The following DSCAM variants were observed in gnomAD, a reference collection of about 807,000 sequenced individuals.
DSCAM encodes cell adhesion molecule DSCAM.
A neutral mutation model predicts 217.7 loss-of-function variants in DSCAM; 47 were observed. That is an observed-to-expected ratio of 0.22 (90% confidence interval 0.17 to 0.28). DSCAM has a LOEUF of 0.28. DSCAM is among the 10% of genes least tolerant of loss of function. The pLI is 1.00. For synonymous variants in DSCAM, 1,056 were observed against 1,015.3 expected (o/e 1.04, Z -0.76); for missense variants, 2,080 against 2,618.3 (o/e 0.79, Z 4.49).
chr21:40,498,159 A>G (rs2076134268), intron 3 of DSCAM, among the ~76,000 whole-genome samples: 1 of 152,210 alleles, frequency 6.6e-6, no homozygotes, highest in Admixed American at 6.5e-5. Context: ...TGTTTGGCAC[A>G]GTGCCTCCTT....
At chr21:40,628,215 C>G (rs1318747566) in intron 3 of DSCAM, among the ~76,000 whole-genome samples, 1 of 152,178 alleles carries the variant, frequency 6.6e-6, no homozygotes, top group African/African-American at 2.4e-5. Flanking sequence ...AGCAGAGTAG[C>G]ATTATTAGAG....
intron 18 of DSCAM, among the ~76,000 whole-genome samples, chr21:40,138,817 CGTGTG>C (rs1164255383): frequency 9.3e-5 from 9 of 96,474 alleles, no homozygotes; most frequent in Admixed American, 4.7e-4. Flanking sequence ...GGTGTGTGTA[CGTGTG>C]GTGTGGTGTG....
At chr21:40,263,749 GATCA>G (rs894056472) in intron 11 of DSCAM, among the ~76,000 whole-genome samples, 1 of 151,860 alleles carries the variant, frequency 6.6e-6, no homozygotes, top group Non-Finnish European at 1.5e-5. Context: ...AATTATAAAA[GATCA>G]ATGAAACAAC....
chr21:40,589,284 A>T (rs1388966314), intron 3 of DSCAM, among the ~76,000 whole-genome samples: 1 of 152,168 alleles, frequency 6.6e-6, no homozygotes, highest in Admixed American at 6.5e-5. Context: ...AATAATAAAA[A>T]CTAATAAATT....
At chr21:40,479,417 T>C (rs1435948628) in intron 3 of DSCAM, among the ~76,000 whole-genome samples, 1 of 152,204 alleles carries the variant, frequency 6.6e-6, no homozygotes, top group Non-Finnish European at 1.5e-5. Context: ...ACATATGTAT[T>C]AGTCCATTTT....
chr21:40,760,169 A>AT (rs921776231), intron 1 of DSCAM, among the ~76,000 whole-genome samples: 1 of 150,968 alleles, frequency 6.6e-6, no homozygotes, highest in Non-Finnish European at 1.5e-5. Context: ...AATTTTTGAA[A>AT]TTTTTTTTCA....
chr21:40,550,690 T>C (rs991190522), intron 3 of DSCAM, among the ~76,000 whole-genome samples: 6 of 152,184 alleles, frequency 3.9e-5, no homozygotes, highest in African/African-American at 7.2e-5. Flanking sequence ...AGAAAAACTT[T>C]AGACAAATTT....
chr21:40,800,610 G>T (rs1022288414), intron 1 of DSCAM, among the ~76,000 whole-genome samples: 1 of 152,106 alleles, frequency 6.6e-6, no homozygotes, highest in African/African-American at 2.4e-5. Flanking sequence ...CAAATAATTT[G>T]GTTGAAGCGT....
intron 3 of DSCAM, among the ~76,000 whole-genome samples, chr21:40,598,283 T>A (rs2077036421): frequency 6.6e-6 from 1 of 152,184 alleles, no homozygotes; most frequent in Admixed American, 6.5e-5. Context: ...GCTTGATGGA[T>A]CATTCTTCTC....
At chr21:40,428,668 A>C (rs1277831206) in intron 3 of DSCAM, among the ~76,000 whole-genome samples, 1 of 152,188 alleles carries the variant, frequency 6.6e-6, no homozygotes, top group Non-Finnish European at 1.5e-5. Flanking sequence ...AACTATCTCC[A>C]AACAGGATAT....
chr21:40,675,967 T>C (rs533730375), intron 3 of DSCAM, among the ~76,000 whole-genome samples: 1 of 152,334 alleles, frequency 6.6e-6, no homozygotes, highest in Middle Eastern at 3.4e-3. Flanking sequence ...CAGCATCGTC[T>C]TAGATCCAGA....
At chr21:40,596,156 C>T (rs1318066628) in intron 3 of DSCAM, among the ~76,000 whole-genome samples, 1 of 152,228 alleles carries the variant, frequency 6.6e-6, no homozygotes, top group African/African-American at 2.4e-5. Flanking sequence ...AATATCGTCA[C>T]ATCAACACGG....
At chr21:40,488,749 G>T (rs1289530449) in intron 3 of DSCAM, among the ~76,000 whole-genome samples, 3 of 152,094 alleles carry the variant, frequency 2.0e-5, no homozygotes, top group Admixed American at 2.0e-4. Flanking sequence ...CAATTATTGT[G>T]CCCCTTGAAA....
intron 32 of DSCAM, among the ~76,000 whole-genome samples, chr21:40,027,166 G>A (rs1225215687): frequency 1.3e-5 from 2 of 152,084 alleles, no homozygotes; most frequent in African/African-American, 2.4e-5. Flanking sequence ...GAAATTCTGG[G>A]TTGAAAATTC....
At chr21:40,525,354 A>G (rs2076392589) in intron 3 of DSCAM, among the ~76,000 whole-genome samples, 1 of 152,220 alleles carries the variant, frequency 6.6e-6, no homozygotes. Context: ...CTAGCAGTGG[A>G]CAGTGGTATA....
At chr21:40,646,017 T>C (rs9985127) in intron 3 of DSCAM, among the ~76,000 whole-genome samples, 81,360 of 151,672 alleles carry the variant, frequency 0.54, 22,009 homozygotes, top group East Asian at 0.67. Flanking sequence ...TTGGAGGCGG[T>C]GGAGGAGATA....
intron 6 of DSCAM, among the ~76,000 whole-genome samples, chr21:40,341,829 C>T (rs1391438775): frequency 4.6e-5 from 7 of 152,170 alleles, no homozygotes; most frequent in South Asian, 4.1e-4. Flanking sequence ...TAATATCCCT[C>T]GTCACTGTTT....
intron 1 of DSCAM, among the ~76,000 whole-genome samples, chr21:40,845,861 T>C (rs1329250629): frequency 6.6e-6 from 1 of 152,210 alleles, no homozygotes; most frequent in Non-Finnish European, 1.5e-5. Flanking sequence ...CACTTACTAA[T>C]TGGGTCTGAC....
chr21:40,100,299 T>C (rs1039502497), intron 20 of DSCAM, among the ~76,000 whole-genome samples: 2 of 152,226 alleles, frequency 1.3e-5, no homozygotes, highest in African/African-American at 4.8e-5. Flanking sequence ...GCCAATCTAG[T>C]TGATTAAATC....
Sources: gnomAD v4.1 joint callset for allele counts (sites outside exome capture counted in the v4.1 genomes callset) on GRCh38, gnomAD v4.1.1 for gene constraint, MANE v1.5 for transcripts, NCBI Gene and HGNC (gene_info 2026-07-23, HGNC 2026-07-21) for gene names.